MIGA1: variants seen among roughly 807,000 people sequenced by gnomAD.
The protein encoded by MIGA1 is mitoguardin 1, also known as family with sequence similarity 73, member A.
MIGA1 carries 58 observed loss-of-function variants against 82.0 expected under a neutral mutation model. That is an observed-to-expected ratio of 0.71 (90% CI 0.57 to 0.88). The LOEUF is 0.88. Among genes scored for constraint, MIGA1 ranks in the 40% least tolerant of loss-of-function variants. The pLI is 0.00. For synonymous variants in MIGA1, 249 were observed against 253.6 expected (o/e 0.98, Z 0.17); for missense variants, 751 against 749.1 (o/e 1.00, Z -0.03).
intron 8 of MIGA1, among the ~76,000 whole-genome samples, chr1:77,856,383 G>T (rs1685254867): frequency 6.6e-6 from 1 of 152,048 alleles, no homozygotes. Flanking sequence ...TCCTGGTTTT[G>T]GTATTAGGGT....
intron 14 of MIGA1, among the ~76,000 whole-genome samples, chr1:77,866,939 C>T (rs1196730620): frequency 2.0e-5 from 3 of 152,080 alleles, no homozygotes; most frequent in Non-Finnish European, 4.4e-5. Context: ...CTTGGCCTCC[C>T]AAAGTGCTGG....
chr1:77,806,477 C>T (rs1683104445), intron 4 of MIGA1, among the ~76,000 whole-genome samples: 1 of 152,124 alleles, frequency 6.6e-6, no homozygotes, highest in Non-Finnish European at 1.5e-5. Flanking sequence ...TAGGACAGAA[C>T]TGGAGTTAGG....
At chr1:77,812,010 C>T (rs953414486) in intron 5 of MIGA1, among the ~76,000 whole-genome samples, 2 of 152,186 alleles carry the variant, frequency 1.3e-5, no homozygotes, top group African/African-American at 4.8e-5. Context: ...GAAAGGCCTG[C>T]ATTTCATTTT....
At chr1:77,846,428 C>A (rs1028892958) in intron 8 of MIGA1, among the ~76,000 whole-genome samples, 1 of 151,904 alleles carries the variant, frequency 6.6e-6, no homozygotes, top group Non-Finnish European at 1.5e-5. Flanking sequence ...TATAGAATTA[C>A]CACTCTGCAA....
chr1:77,785,047 G>A (rs201084345), intron 2 of MIGA1, among the ~76,000 whole-genome samples: 1 of 151,642 alleles, frequency 6.6e-6, no homozygotes, highest in Non-Finnish European at 1.5e-5. Flanking sequence ...TCTGCTCCTG[G>A]CCCCTCCCAA....
intron 2 of MIGA1, among the ~76,000 whole-genome samples, chr1:77,783,899 A>T (rs1343296550): frequency 6.6e-6 from 1 of 152,204 alleles, no homozygotes; most frequent in Non-Finnish European, 1.5e-5. Flanking sequence ...GGTACCTCAC[A>T]AGTAGAACCC....
chr1:77,789,544 A>C (rs72685303), intron 2 of MIGA1, among the ~76,000 whole-genome samples: 2,860 of 152,172 alleles, frequency 0.019, 39 homozygotes, highest in Non-Finnish European at 0.026. Context: ...CCAGATTTTA[A>C]AATAACAAGA....
intron 7 of MIGA1, among the ~76,000 whole-genome samples, chr1:77,837,640 T>C (rs1684480836): frequency 6.6e-6 from 1 of 152,234 alleles, no homozygotes; most frequent in Non-Finnish European, 1.5e-5. Context: ...TTTTGATTAA[T>C]TGCATCACGC....
At chr1:77,825,953 A>G (rs1022159554) in intron 7 of MIGA1, among the ~76,000 whole-genome samples, 2 of 152,188 alleles carry the variant, frequency 1.3e-5, no homozygotes, top group Non-Finnish European at 2.9e-5. Context: ...TGTAATGTGT[A>G]GGAGTATATT....
intron 7 of MIGA1, among the ~76,000 whole-genome samples, chr1:77,836,600 C>T (rs934236173): frequency 2.0e-5 from 3 of 152,110 alleles, no homozygotes; most frequent in Non-Finnish European, 4.4e-5. Flanking sequence ...ACTGTGCCTC[C>T]ACAAATCTCA....
chr1:77,871,072 C>T (rs1394098381), intron 14 of MIGA1, among the ~76,000 whole-genome samples: 2 of 105,334 alleles, frequency 1.9e-5, no homozygotes, highest in Non-Finnish European at 3.6e-5. Flanking sequence ...AGAGGGAGAC[C>T]GTGGAAGGAG....
intron 2 of MIGA1, among the ~76,000 whole-genome samples, chr1:77,798,917 G>T (rs1229457752): frequency 6.6e-6 from 1 of 152,158 alleles, no homozygotes; most frequent in Admixed American, 6.5e-5. Context: ...TTTTTAAGTA[G>T]TCATAAATGG....
intron 7 of MIGA1, among the ~76,000 whole-genome samples, chr1:77,816,847 C>G (rs1683589604): frequency 6.6e-6 from 1 of 151,680 alleles, no homozygotes; most frequent in African/African-American, 2.4e-5. Flanking sequence ...TTTTTTAAAA[C>G]CTCAAATGTA....
Position 77,803,423 on chromosome 1 carries a change from T to C in MIGA1, c.510+17T>C. ...TTGGCCTCTGTAAGTACAGAAAAAA[T>C]ATTAATTTTTAAAATTTTTGTTTAT... On this transcript the variant is annotated intron_variant, in intron 4 of 15. Transcript: ENST00000370791. 1 of 1,356,664 alleles carries C rather than the reference T, an allele frequency of 7.4e-7. No homozygotes were observed. 84.0% of individuals were successfully genotyped at this position (1,356,664 alleles called of 1,614,324 possible). A position where few individuals can be genotyped will look rare whatever the true frequency, so the allele number is the denominator to read the frequency against.
chr1:77,872,814 G>A (rs1646858151), intron 14 of MIGA1, among the ~76,000 whole-genome samples, 190 bp from the exon 15 acceptor site: 1 of 152,182 alleles, frequency 6.6e-6, no homozygotes, highest in Non-Finnish European at 1.5e-5. Context: ...AGTCCCCACT[G>A]CTTAGGATGC....
intron 1 of MIGA1, among the ~76,000 whole-genome samples, chr1:77,780,861 A>G (rs1427509861): frequency 6.6e-6 from 1 of 151,116 alleles, no homozygotes; most frequent in Non-Finnish European, 1.5e-5. Context: ...AGAATGAGGT[A>G]GTTAGAATGC....
intron 8 of MIGA1, among the ~76,000 whole-genome samples, chr1:77,852,651 T>C (rs1685097090): frequency 6.6e-6 from 1 of 152,210 alleles, no homozygotes; most frequent in African/African-American, 2.4e-5. Context: ...TTCCTGCTAA[T>C]TTAATCTCTG....
intron 7 of MIGA1, among the ~76,000 whole-genome samples, chr1:77,821,883 G>T (rs751350916): frequency 2.4e-4 from 36 of 152,072 alleles, no homozygotes; most frequent in Non-Finnish European, 3.7e-4. Flanking sequence ...ATTTCCTTAG[G>T]TCACAAATAA....
At chr1:77,811,051 T>G in intron 5 of MIGA1, 1 of 1,613,538 alleles carries the variant, frequency 6.2e-7, no homozygotes, top group Non-Finnish European at 8.5e-7. Flanking sequence ...CTTGTAGGGT[T>G]TGAATTCAAA....
Sources: gnomAD v4.1 joint callset for allele counts (sites outside exome capture counted in the v4.1 genomes callset) on GRCh38, gnomAD v4.1.1 for gene constraint, MANE v1.5 for transcripts, NCBI Gene and HGNC (gene_info 2026-07-23, HGNC 2026-07-21) for gene names.